LRP1B: variants seen among roughly 807,000 people sequenced by gnomAD.
The protein encoded by LRP1B is low-density lipoprotein receptor-related protein 1B.
In LRP1B, 217 loss-of-function variants were observed where a neutral mutation model predicts 556.6. The ratio of observed to expected loss-of-function variants is 0.39; its 90% CI spans 0.35 to 0.44. The LOEUF (loss-of-function observed/expected upper bound fraction) is 0.44, where lower values mean the gene tolerates loss of function less well. Ranked by LOEUF, LRP1B falls within the 20% of genes least tolerant of loss-of-function variation. The pLI, the probability that LRP1B is intolerant of heterozygous loss-of-function variation, is 1.00. For synonymous variants in LRP1B, 2,047 were observed against 1,865.8 expected (o/e 1.10, Z -2.50); for missense variants, 5,053 against 5,620.8 (o/e 0.90, Z 3.23).
chr2:141,442,158 A>G (rs951106018), intron 3 of LRP1B, among the ~76,000 whole-genome samples: 1 of 152,184 alleles, frequency 6.6e-6, no homozygotes, highest in South Asian at 2.1e-4. Context: ...ACTTTACAAA[A>G]TAGAGAATGA....
At chr2:140,384,363 C>A (rs759284003) in intron 67 of LRP1B, among the ~76,000 whole-genome samples, 1 of 151,940 alleles carries the variant, frequency 6.6e-6, no homozygotes, top group African/African-American at 2.4e-5. Context: ...TGCTTCTATC[C>A]CTACCAGCTC....
At chr2:140,236,287 C>A (rs1020663476) in intron 89 of LRP1B, among the ~76,000 whole-genome samples, 10 of 150,558 alleles carry the variant, frequency 6.6e-5, no homozygotes, top group African/African-American at 2.2e-4. Flanking sequence ...ACTGTGATTG[C>A]AAAATAATTT....
chr2:141,316,842 C>T (rs1484128757), intron 3 of LRP1B, among the ~76,000 whole-genome samples: 1 of 152,156 alleles, frequency 6.6e-6, no homozygotes, highest in Admixed American at 6.5e-5. Flanking sequence ...TACTCATTTG[C>T]AATTCATTGC....
chr2:140,644,401 C>CTTTTTTT (rs34828807), intron 41 of LRP1B, among the ~76,000 whole-genome samples: 5 of 132,838 alleles, frequency 3.8e-5, no homozygotes, highest in Admixed American at 7.7e-5. Context: ...TTTCTTTTTT[C>CTTTTTTT]TTTTTTTTTT....
chr2:141,932,248 T>C, intron 1 of LRP1B, among the ~76,000 whole-genome samples: 1 of 152,076 alleles, frequency 6.6e-6, no homozygotes, highest in East Asian at 1.9e-4. Context: ...TTAAAAAAAC[T>C]GTTACTTTTT....
At chr2:140,534,209 A>T (rs1458259499) in intron 46 of LRP1B, 69 bp from the exon 47 acceptor site, 13 of 1,398,778 alleles carry the variant, frequency 9.3e-6, no homozygotes, top group Admixed American at 1.9e-5. Flanking sequence ...TGAAAATCAC[A>T]GATAATATTT....
At chr2:140,859,717 G>A (rs188180840) in intron 27 of LRP1B, among the ~76,000 whole-genome samples, 11 of 152,138 alleles carry the variant, frequency 7.2e-5, no homozygotes, top group East Asian at 3.9e-4. Flanking sequence ...TTGCCTGGCC[G>A]TGTGCGGTGG....
chr2:141,571,375 TCAA>T (rs71391656), intron 2 of LRP1B, among the ~76,000 whole-genome samples: 4 of 142,946 alleles, frequency 2.8e-5, no homozygotes, highest in Admixed American at 6.9e-5. Flanking sequence ...AACAACAGCA[TCAA>T]CAACAACAAC....
chr2:140,714,589 T>C (rs1294482207), intron 37 of LRP1B, among the ~76,000 whole-genome samples: 2 of 152,158 alleles, frequency 1.3e-5, no homozygotes, highest in Non-Finnish European at 2.9e-5. Context: ...AATGGACTTA[T>C]TGCAACTATG....
chr2:141,699,003 A>G (rs892388646), intron 2 of LRP1B, among the ~76,000 whole-genome samples: 3 of 151,918 alleles, frequency 2.0e-5, no homozygotes, highest in African/African-American at 7.2e-5. Context: ...TCTTATTTGA[A>G]GACAGCAGAG....
At chr2:141,102,679 G>T (rs4954693) in intron 7 of LRP1B, among the ~76,000 whole-genome samples, 54,559 of 151,510 alleles carry the variant, frequency 0.36, 10,249 homozygotes, top group East Asian at 0.66. Flanking sequence ...AGAAAAAAAA[G>T]GTACAACTAT....
At position 141,108,338 on chromosome 2, in the gene LRP1B, T is replaced by A. The variant is rs55869729; in HGVS notation, c.1014-46065A>T. Among the ~76,000 whole-genome samples the A allele has an allele frequency of 3.7e-3, 342 of 92,716 alleles. 3 individuals are homozygous for A. Among genetic ancestry groups the A allele is most frequent in the Middle Eastern group, 0.012 (2 of 164 alleles). The allele number at this position is 92,716 out of a possible 152,430, so 60.8% of individuals were successfully genotyped here. A position where few individuals can be genotyped will look rare whatever the true frequency, so the allele number is the denominator to read the frequency against. On this transcript the variant is annotated intron_variant, in intron 7 of 90. Coordinates refer to ENST00000389484, the MANE Select transcript of LRP1B (RefSeq NM_018557.3). The stretch of plus-strand genomic sequence containing the variant: ...AAATATGTTTATAATCTGTTTCTTT[T>A]TTTTTTTTTTTTTTTTTTTTTTTTT...
At chr2:141,410,596 C>T (rs1690816516) in intron 3 of LRP1B, among the ~76,000 whole-genome samples, 1 of 152,008 alleles carries the variant, frequency 6.6e-6, no homozygotes, top group African/African-American at 2.4e-5. Context: ...ATATCTATTT[C>T]TACAAATGGA....
intron 63 of LRP1B, among the ~76,000 whole-genome samples, chr2:140,445,410 T>C (rs537279428): frequency 2.0e-4 from 30 of 152,248 alleles, no homozygotes; most frequent in African/African-American, 7.0e-4. Context: ...TCACTGCACC[T>C]GGCCCACGAT....
At chr2:140,370,619 T>C in intron 71 of LRP1B, 91 bp downstream of exon 71, 2 of 1,469,822 alleles carry the variant, frequency 1.4e-6, no homozygotes, top group Non-Finnish European at 1.8e-6. Flanking sequence ...AAAGATTCTA[T>C]CCTCTGCCTC....
At chr2:141,560,504 C>T (rs956029425) in intron 2 of LRP1B, among the ~76,000 whole-genome samples, 18 of 151,656 alleles carry the variant, frequency 1.2e-4, no homozygotes, top group African/African-American at 4.1e-4. Context: ...TCAACTGATC[C>T]TTTCTCTGGC....
chr2:141,391,943 A>G (rs16845979), intron 3 of LRP1B, among the ~76,000 whole-genome samples: 13 of 152,270 alleles, frequency 8.5e-5, no homozygotes, highest in Middle Eastern at 3.4e-3. Flanking sequence ...ACTACTATGT[A>G]TAAGTAAAAA....
intron 7 of LRP1B, among the ~76,000 whole-genome samples, chr2:141,146,813 G>T (rs1701795124): frequency 6.6e-6 from 1 of 152,116 alleles, no homozygotes; most frequent in Non-Finnish European, 1.5e-5. Flanking sequence ...TAAGAGGACT[G>T]GGATTACTAT....
intron 1 of LRP1B, among the ~76,000 whole-genome samples, chr2:141,837,947 G>A (rs1287238718): frequency 6.6e-6 from 1 of 152,114 alleles, no homozygotes; most frequent in Non-Finnish European, 1.5e-5. Context: ...ATGTCATGTT[G>A]TTGCAAATAC....
Sources: allele counts gnomAD v4.1 joint callset (sites outside exome capture counted in the v4.1 genomes callset), GRCh38; gene constraint gnomAD v4.1.1; transcripts MANE v1.5; gene names NCBI Gene and HGNC (gene_info 2026-07-23, HGNC 2026-07-21).